The following GPC5 variants were observed in gnomAD, a reference collection of about 807,000 sequenced individuals.
GPC5 encodes the protein glypican-5.
GPC5 carries 47 observed loss-of-function variants against 53.9 expected under a neutral mutation model. The observed-to-expected ratio is 0.87, with a 90% CI of 0.69 to 1.11. The LOEUF is 1.11. Among genes scored for constraint, GPC5 ranks in the 50% most tolerant of loss-of-function variants. The pLI, the probability that GPC5 is intolerant of heterozygous loss-of-function variation, is 0.00. For missense variants in GPC5, 748 were observed against 713.1 expected (o/e 1.05, Z -0.56); for synonymous variants, 286 against 263.3 (o/e 1.09, Z -0.84).
At chr13:92,751,303 T>TCAAAAAAAAAAAAAAAAAAAAAAA (rs763038122) in intron 7 of GPC5, among the ~76,000 whole-genome samples, 1 of 38,766 alleles carries the variant, frequency 2.6e-5, no homozygotes, top group Non-Finnish European at 5.3e-5. Context: ...CAGAAACATT[T>TCAAAAAAAAAAAAAAAAAAAAAAA]AAAAAAAAAA....
At chr13:92,052,014 G>A (rs1043867377) in intron 6 of GPC5, among the ~76,000 whole-genome samples, 2 of 152,176 alleles carry the variant, frequency 1.3e-5, no homozygotes, top group East Asian at 1.9e-4. Flanking sequence ...TTCCCTGAGG[G>A]TGAGAGACAC....
rs1009956938 is a variant in GPC5, at chr13:92,072,189, T to G, written c.1402-72641T>G. ...ATAATGAATGAATAAAATGTATATA[T>G]AAATAAATAAAATGTATATATAAAT... On this transcript the variant is annotated intron_variant, in intron 6 of 7. Coordinates refer to ENST00000377067, the MANE Select transcript of GPC5 (RefSeq NM_004466.6). 4.3e-4 allele frequency among the ~76,000 whole-genome samples: 64 copies of G among 148,322 alleles called. 1 individual carries two copies. The highest frequency in any genetic ancestry group is 7.4e-4 in the Admixed American group (11 of 14,814).
At chr13:91,909,639 T>A (rs1004055307) in intron 6 of GPC5, among the ~76,000 whole-genome samples, 3 of 152,120 alleles carry the variant, frequency 2.0e-5, no homozygotes, top group African/African-American at 7.2e-5. Flanking sequence ...TTTTATAAGA[T>A]ATGCACAGGA....
intron 3 of GPC5, among the ~76,000 whole-genome samples, chr13:91,712,516 C>T (rs545594046): frequency 5.9e-5 from 9 of 152,088 alleles, no homozygotes; most frequent in Non-Finnish European, 7.4e-5. Flanking sequence ...GTGATATCTT[C>T]GTCATTTGTT....
intron 2 of GPC5, among the ~76,000 whole-genome samples, chr13:91,643,413 C>T (rs72643206): frequency 0.056 from 8,558 of 152,230 alleles, 504 homozygotes; most frequent in South Asian, 0.23. Flanking sequence ...GTAACTACTA[C>T]AAATTGAGAT....
At chr13:92,183,199 G>C (rs1201836085) in intron 7 of GPC5, among the ~76,000 whole-genome samples, 1 of 152,106 alleles carries the variant, frequency 6.6e-6, no homozygotes, top group Non-Finnish European at 1.5e-5. Flanking sequence ...ATAATAAACA[G>C]TATTTTATTT....
intron 7 of GPC5, among the ~76,000 whole-genome samples, chr13:92,397,792 T>A (rs1350360599): frequency 6.6e-6 from 1 of 152,216 alleles, no homozygotes; most frequent in East Asian, 1.9e-4. Flanking sequence ...CTTGTTGTAA[T>A]GAAGCCCTAA....
intron 7 of GPC5, among the ~76,000 whole-genome samples, chr13:92,470,095 C>G (rs926864154): frequency 6.6e-6 from 1 of 152,102 alleles, no homozygotes; most frequent in Non-Finnish European, 1.5e-5. Flanking sequence ...TTTCCCTGAA[C>G]TTGAACTAAA....
intron 7 of GPC5, among the ~76,000 whole-genome samples, chr13:92,373,048 T>A (rs1439711795): frequency 6.6e-6 from 1 of 152,184 alleles, no homozygotes; most frequent in Non-Finnish European, 1.5e-5. Flanking sequence ...AAATAGTAAT[T>A]GGTTTTAAAT....
intron 7 of GPC5, among the ~76,000 whole-genome samples, chr13:92,676,381 T>C (rs1216441373): frequency 6.6e-6 from 1 of 152,220 alleles, no homozygotes; most frequent in Non-Finnish European, 1.5e-5. Flanking sequence ...AATATATCTC[T>C]ACTGTGATTT....
At chr13:92,548,521 T>C (rs1594295607) in intron 7 of GPC5, among the ~76,000 whole-genome samples, 4 of 152,050 alleles carry the variant, frequency 2.6e-5, no homozygotes, top group African/African-American at 9.6e-5. Context: ...CCTTTCTTTC[T>C]GGTGTTTGTC....
At position 91,485,424 on chromosome 13, in the gene GPC5, G is replaced by A. The variant is rs568927958; in HGVS notation, c.325+36502G>A. On this transcript the variant is annotated intron_variant, in intron 2 of 7. Coordinates refer to ENST00000377067, the MANE Select transcript of GPC5 (RefSeq NM_004466.6). ...GTAGAAATGGGGTTTCAAAGTGTTG[G>A]CCAGGCTGGTCTCGAACTCCTGACC... 5.3e-5 allele frequency among the ~76,000 whole-genome samples: 8 copies of A among 152,174 alleles called. No individual in the cohort carries two copies. The East Asian group carries it at 1.5e-3, about 29-fold the overall frequency.
At chr13:92,735,943 A>G (rs1003182244) in intron 7 of GPC5, among the ~76,000 whole-genome samples, 1 of 152,036 alleles carries the variant, frequency 6.6e-6, no homozygotes, top group African/African-American at 2.4e-5. Context: ...TAAATTGATA[A>G]TAGATATACA....
rs541852694 is a variant in GPC5, at chr13:92,624,929, C to T, written c.1562-241353C>T. Among the ~76,000 whole-genome samples, 45 of 152,300 alleles carry T rather than the reference C, an allele frequency of 3.0e-4. No homozygotes were observed. In the South Asian group the frequency reaches 7.0e-3, roughly 24 times the overall value. ...GTAAGATGTGCAGAATTGCAAGGAACACATGAATACAATAGCATGTACTTA... is the reference window on the plus strand; with the variant it reads ...GTAAGATGTGCAGAATTGCAAGGAATACATGAATACAATAGCATGTACTTA... On this transcript the variant is annotated intron_variant, in intron 7 of 7. Transcript: ENST00000377067.
chr13:91,987,094 G>A (rs2040415097), intron 6 of GPC5, among the ~76,000 whole-genome samples: 1 of 152,164 alleles, frequency 6.6e-6, no homozygotes, highest in African/African-American at 2.4e-5. Context: ...CTGATAATCA[G>A]GTAGGAAGAC....
intron 7 of GPC5, among the ~76,000 whole-genome samples, chr13:92,597,343 A>G (rs1883916255): frequency 6.6e-6 from 1 of 152,072 alleles, no homozygotes; most frequent in African/African-American, 2.4e-5. Context: ...ACCAGGGCAC[A>G]CACTTCCATG....
chr13:92,761,536 A>G (rs1875175971), intron 7 of GPC5, among the ~76,000 whole-genome samples: 1 of 152,120 alleles, frequency 6.6e-6, no homozygotes, highest in African/African-American at 2.4e-5. Flanking sequence ...AAGTAGAGTC[A>G]TCCTTGTTCT....
chr13:91,837,531 A>G lies in GPC5; in HGVS notation c.1281-70406A>G, dbSNP rs552219388. 3.1e-3 allele frequency among the ~76,000 whole-genome samples: 469 copies of G among 152,286 alleles called. 3 individuals carry two copies. Among genetic ancestry groups the G allele is most frequent in the African/African-American group, 9.8e-3 (407 of 41,566 alleles). ...CATTAAATTAACAAAAAAGGAAGGA[A>G]AAAACCAAAATATCATGTCAATAAC... is the stretch of plus-strand genomic sequence containing the variant. On this transcript the variant is annotated intron_variant, in intron 5 of 7. Coordinates refer to ENST00000377067, the MANE Select transcript of GPC5 (RefSeq NM_004466.6).
intron 5 of GPC5, among the ~76,000 whole-genome samples, chr13:91,782,861 A>C (rs1392537074): frequency 6.7e-6 from 1 of 150,362 alleles, no homozygotes; most frequent in Non-Finnish European, 1.5e-5. Context: ...GTTTATTTCC[A>C]AAACAGATGC....
Sources: gnomAD v4.1 joint callset for allele counts (sites outside exome capture counted in the v4.1 genomes callset) on GRCh38, gnomAD v4.1.1 for gene constraint, MANE v1.5 for transcripts, NCBI Gene and HGNC (gene_info 2026-07-23, HGNC 2026-07-21) for gene names.